Variants in ZNF704 observed in about 807,000 individuals in gnomAD.
ZNF704 encodes the protein zinc finger protein 704.
A neutral mutation model predicts 44.7 loss-of-function variants in ZNF704; 10 were observed. The observed-to-expected ratio is 0.22, with a 90% CI of 0.14 to 0.38. The LOEUF is 0.38. ZNF704 is among the 10% of genes least tolerant of loss of function. The pLI, the probability that ZNF704 is intolerant of heterozygous loss-of-function variation, is 1.00. For missense variants in ZNF704, 390 were observed against 545.5 expected, an observed-to-expected ratio of 0.71 and a Z score of 2.84; for synonymous variants, 211 against 207.6, an observed-to-expected ratio of 1.02 and a Z score of -0.14.
intron 5 of ZNF704, among the ~76,000 whole-genome samples, chr8:80,667,188 C>T (rs549544521): frequency 8.5e-5 from 13 of 152,198 alleles, no homozygotes; most frequent in East Asian, 1.9e-4. Context: ...CAGGGAGTGA[C>T]GGGAGGAGTG....
At chr8:80,676,802 C>G (rs1818373609) in intron 4 of ZNF704, among the ~76,000 whole-genome samples, 1 of 152,166 alleles carries the variant, frequency 6.6e-6, no homozygotes, top group African/African-American at 2.4e-5. Context: ...TTAAGATTCT[C>G]ATAAGGAGCG....
intron 3 of ZNF704, among the ~76,000 whole-genome samples, chr8:80,688,160 A>C (rs1818573016): frequency 6.6e-6 from 1 of 151,304 alleles, no homozygotes; most frequent in Non-Finnish European, 1.5e-5. Flanking sequence ...GTGAGCTATG[A>C]CTGGGTCACT....
intron 2 of ZNF704, among the ~76,000 whole-genome samples, chr8:80,742,047 AG>A (rs1382569827): frequency 6.6e-6 from 1 of 152,198 alleles, no homozygotes; most frequent in Non-Finnish European, 1.5e-5. Context: ...CTAACTTCCG[AG>A]AACACCTATC....
chr8:80,780,132 G>C (rs957570974), intron 2 of ZNF704, among the ~76,000 whole-genome samples: 1 of 152,132 alleles, frequency 6.6e-6, no homozygotes, highest in African/African-American at 2.4e-5. Context: ...AGGGTTCAGA[G>C]AGAAGGGAGG....
chr8:80,648,442 T>C (rs2131594146), intron 7 of ZNF704, among the ~76,000 whole-genome samples: 1 of 152,326 alleles, frequency 6.6e-6, no homozygotes. Flanking sequence ...CAGCTTCTTA[T>C]TTTAGTTGAG....
chr8:80,665,344 C>T (rs539191977), intron 5 of ZNF704, among the ~76,000 whole-genome samples: 13 of 152,188 alleles, frequency 8.5e-5, no homozygotes, highest in Non-Finnish European at 1.9e-4. Flanking sequence ...TATGTTCAGG[C>T]ACTGTTCCAG....
At chr8:80,805,142 G>A (rs1033429899) in intron 2 of ZNF704, among the ~76,000 whole-genome samples, 1 of 152,082 alleles carries the variant, frequency 6.6e-6, no homozygotes, top group East Asian at 1.9e-4. Flanking sequence ...TCATCAACAG[G>A]CCAATTAGTT....
rs1817677342 is a variant in ZNF704 at position 80,637,198 on chromosome 8, G to T, written c.*4168C>A. On this transcript the variant is annotated 3_prime_UTR_variant, in exon 9 of 9. Coordinates refer to ENST00000327835, the MANE Select transcript of ZNF704 (RefSeq NM_001033723.3). ...AGTTCACATAAATTTGTCTTGAAAT[G>T]ATACCATGTTCATTTGAAAAAAAAA... is the stretch of plus-strand genomic sequence containing the variant. 6.6e-6 allele frequency: 1 copy of T among 151,944 alleles called. No homozygotes were observed. The highest frequency in any genetic ancestry group is 6.6e-5 in the Admixed American group (1 of 15,264). 9.4% of individuals were successfully genotyped at this position (151,944 alleles called of 1,614,324 possible).
chr8:80,777,685 C>T (rs1807438415), intron 2 of ZNF704, among the ~76,000 whole-genome samples: 1 of 152,032 alleles, frequency 6.6e-6, no homozygotes, highest in African/African-American at 2.4e-5. Context: ...TCAAGACCAG[C>T]CTGACCAACA....
At chr8:80,689,694 T>C (rs1402649933) in intron 3 of ZNF704, among the ~76,000 whole-genome samples, 1 of 152,234 alleles carries the variant, frequency 6.6e-6, no homozygotes, top group Non-Finnish European at 1.5e-5. Context: ...CTGAATTTAT[T>C]TTGAAAACCA....
chr8:80,823,887 C>G (rs1001247603), intron 1 of ZNF704, among the ~76,000 whole-genome samples: 19 of 152,170 alleles, frequency 1.2e-4, no homozygotes, highest in Non-Finnish European at 2.5e-4. Flanking sequence ...AACTAACAAA[C>G]AGAAAGGACA....
At chr8:80,675,474 T>G (rs1030227412) in intron 4 of ZNF704, among the ~76,000 whole-genome samples, 2 of 109,680 alleles carry the variant, frequency 1.8e-5, no homozygotes, top group African/African-American at 1.4e-4. Context: ...TTTTGTTTTG[T>G]TTTTTTTTTT....
At chr8:80,851,987 C>CT (rs1317862560) in intron 1 of ZNF704, among the ~76,000 whole-genome samples, 1 of 152,148 alleles carries the variant, frequency 6.6e-6, no homozygotes, top group African/African-American at 2.4e-5. Context: ...AAAAAAAAGT[C>CT]TGTGTTCCTT....
intron 2 of ZNF704, among the ~76,000 whole-genome samples, chr8:80,806,358 T>C (rs1048710893): frequency 1.3e-5 from 2 of 152,286 alleles, no homozygotes; most frequent in Admixed American, 1.3e-4. Context: ...GTAATGACCA[T>C]CACAGTCAAC....
intron 2 of ZNF704, 31 bp from the exon 3 acceptor site, chr8:80,693,138 T>A (rs765998885): frequency 6.3e-7 from 1 of 1,587,188 alleles, no homozygotes; most frequent in Admixed American, 1.7e-5. Context: ...CTGGTGACTG[T>A]TCACTCTGCA....
Position 80,865,728 on chromosome 8 carries a change from A to T in ZNF704, c.-22+8843T>A, listed in dbSNP as rs138466268. On this transcript the variant is annotated intron_variant, in intron 1 of 8. Transcript: ENST00000327835. Reference sequence around the variant, plus strand: ...GCAAACGTTGTCACTGGTGACCATCAGGTATGGCACGGAGACCTCCATGGA... The same window carrying T: ...GCAAACGTTGTCACTGGTGACCATCTGGTATGGCACGGAGACCTCCATGGA... Among the ~76,000 whole-genome samples, 4 of 152,310 alleles carry T rather than the reference A, an allele frequency of 2.6e-5. No individual in the cohort carries two copies. In the East Asian group the frequency reaches 7.7e-4, roughly 29 times the overall value.
Position 80,634,929 on chromosome 8 carries a change from G to A in ZNF704, c.*6437C>T, listed in dbSNP as rs547770854. ...GAGTGAAAACAGAGATTTGCAAGAC[G>A]CCTCATCTCAAAGACTAGGAGCCAA... On this transcript the variant is annotated 3_prime_UTR_variant, in exon 9 of 9. Transcript: ENST00000327835. 5 of 152,216 alleles carry A rather than the reference G, an allele frequency of 3.3e-5. No homozygotes were observed. Among genetic ancestry groups the A allele is most frequent in the Admixed American group, 6.5e-5 (1 of 15,290 alleles). 9.4% of individuals were successfully genotyped at this position (152,216 alleles called of 1,614,324 possible).
In ZNF704 at chr8:80,678,041, C is replaced by T. The variant is rs372479864; in HGVS notation, c.559-7438G>A. Among the ~76,000 whole-genome samples the T allele has an allele frequency of 7.0e-4, 107 of 152,308 alleles. 1 individual carries two copies. The highest frequency in any genetic ancestry group is 2.4e-3 in the African/African-American group (99 of 41,568). ...TCTCTTCACTTTATATCGTACATTT[C>T]TCTTCCAATCTTGCATACCCTACAC... On this transcript the variant is annotated intron_variant, in intron 4 of 8. Coordinates refer to ENST00000327835, the MANE Select transcript of ZNF704 (RefSeq NM_001033723.3).
chr8:80,783,323 AT>A (rs1205624085), intron 2 of ZNF704, among the ~76,000 whole-genome samples: 1 of 151,996 alleles, frequency 6.6e-6, no homozygotes, highest in Admixed American at 6.6e-5. Context: ...CATTCTTTTT[AT>A]TTTTCCCCCA....
Sources: gnomAD v4.1 joint callset for allele counts (sites outside exome capture counted in the v4.1 genomes callset) on GRCh38, gnomAD v4.1.1 for gene constraint, MANE v1.5 for transcripts, NCBI Gene and HGNC (gene_info 2026-07-23, HGNC 2026-07-21) for gene names.